The following OCA2 variants were observed in gnomAD, a reference collection of about 807,000 sequenced individuals.
OCA2 encodes the protein OCA2 melanosomal transmembrane protein.
OCA2 carries 77 observed loss-of-function variants against 100.2 expected under a neutral mutation model. The observed-to-expected ratio is 0.77, with a 90% CI of 0.64 to 0.93. The LOEUF (loss-of-function observed/expected upper bound fraction) is 0.93. Among genes scored for constraint, OCA2 ranks in the 40% least tolerant of loss-of-function variants. The pLI is 0.00. For synonymous variants in OCA2, 432 were observed against 439.2 expected, an observed-to-expected ratio of 0.98 and a Z score of 0.21; for missense variants, 1,062 against 1,089.1, an observed-to-expected ratio of 0.98 and a Z score of 0.35.
At chr15:27,857,146 A>G (rs983902604) in intron 21 of OCA2, among the ~76,000 whole-genome samples, 8 of 152,266 alleles carry the variant, frequency 5.3e-5, no homozygotes. Context: ...GAGGAAATCA[A>G]TAAAATGATG....
chr15:28,031,344 A>G (rs1047648449), intron 3 of OCA2, among the ~76,000 whole-genome samples: 1 of 152,212 alleles, frequency 6.6e-6, no homozygotes, highest in African/African-American at 2.4e-5. Flanking sequence ...GACAGTGACA[A>G]TGTCACCAAG....
intron 9 of OCA2, among the ~76,000 whole-genome samples, chr15:27,994,736 C>T (rs745698575): frequency 1.5e-4 from 23 of 152,184 alleles, no homozygotes; most frequent in African/African-American, 2.2e-4. Context: ...AACAGAAGGC[C>T]AGCATCGCTT....
At chr15:27,852,366 T>A in intron 21 of OCA2, among the ~76,000 whole-genome samples, 1 of 152,190 alleles carries the variant, frequency 6.6e-6, no homozygotes, top group African/African-American at 2.4e-5. Context: ...GATCAGATAG[T>A]TGTAGATATG....
intron 5 of OCA2, among the ~76,000 whole-genome samples, chr15:28,022,871 G>A (rs1231612317): frequency 6.6e-6 from 1 of 152,166 alleles, no homozygotes; most frequent in Admixed American, 6.5e-5. Flanking sequence ...GAGAATAAAG[G>A]CATATGACCC....
intron 15 of OCA2, among the ~76,000 whole-genome samples, chr15:27,961,179 C>A (rs2040400199): frequency 6.6e-6 from 1 of 152,136 alleles, no homozygotes. Context: ...ATTTATGCGA[C>A]CAACAAACAT....
chr15:28,041,074 A>G (rs2141462356), intron 2 of OCA2, among the ~76,000 whole-genome samples: 1 of 152,292 alleles, frequency 6.6e-6, no homozygotes, highest in East Asian at 1.9e-4. Flanking sequence ...ACAAACCGAT[A>G]TTCCTGGTGA....
the OCA2 span, among the ~76,000 whole-genome samples, chr15:27,722,285 CG>C: frequency 2.6e-5 from 4 of 152,158 alleles, no homozygotes; most frequent in African/African-American, 9.7e-5. Flanking sequence ...TGCAAATATC[CG>C]GGGGCATTTT....
At chr15:27,719,062 G>A in the OCA2 span, among the ~76,000 whole-genome samples, 1 of 152,198 alleles carries the variant, frequency 6.6e-6, no homozygotes, top group African/African-American at 2.4e-5. Context: ...TCTGACATGA[G>A]CAAGGGTTCA....
At chr15:27,757,236 AGT>A (rs1369228982) in intron 23 of OCA2, among the ~76,000 whole-genome samples, 1 of 152,240 alleles carries the variant, frequency 6.6e-6, no homozygotes, top group Non-Finnish European at 1.5e-5. Context: ...AGTGATTAAG[AGT>A]GTGTACTCCT....
At chr15:27,861,962 C>T (rs1008090679) in intron 21 of OCA2, among the ~76,000 whole-genome samples, 2 of 152,198 alleles carry the variant, frequency 1.3e-5, no homozygotes, top group African/African-American at 2.4e-5. Flanking sequence ...CCCACACACC[C>T]GGAATGCAGC....
At chr15:28,075,987 T>C (rs59069208) in intron 2 of OCA2, among the ~76,000 whole-genome samples, 2,213 of 152,352 alleles carry the variant, frequency 0.015, 55 homozygotes, top group African/African-American at 0.051. Flanking sequence ...CTCATAGATC[T>C]ACTCACCATT....
chr15:27,923,622 G>C (rs1211931949), intron 19 of OCA2, among the ~76,000 whole-genome samples: 1 of 152,166 alleles, frequency 6.6e-6, no homozygotes, highest in Non-Finnish European at 1.5e-5. Context: ...GTGATATTGA[G>C]CTTTTATCAT....
At chr15:27,798,732 G>T (rs2033455093) in intron 23 of OCA2, among the ~76,000 whole-genome samples, 1 of 152,160 alleles carries the variant, frequency 6.6e-6, no homozygotes, top group Non-Finnish European at 1.5e-5. Flanking sequence ...CACAAACAGT[G>T]GGTGTGGGGT....
rs753088699 is a variant in OCA2 at position 27,871,876 on chromosome 15, G to A, written c.2126C>T (p.Ala709Val). The A allele has an allele frequency of 1.1e-5, 18 of 1,603,492 alleles. No individual in the cohort carries two copies. The highest frequency in any genetic ancestry group is 1.5e-5 in the Non-Finnish European group (18 of 1,171,090). The change falls in exon 20 of 24, where the codon GCT becomes GTT. Residue 709 changes from alanine to valine, a missense_variant. Coordinates refer to ENST00000354638, the MANE Select transcript of OCA2 (RefSeq NM_000275.3). ...CATTTATTTTACCTTTATTAGCAAAGCAGTTTGTTCTCCAACATATTCTAT... is the reference window on the plus strand; with the variant it reads ...CATTTATTTTACCTTTATTAGCAAAACAGTTTGTTCTCCAACATATTCTAT... ...HLIEYVGEQT[A>V]LLIKMVPEEQ...
At chr15:28,038,153 T>C (rs1269957423) in intron 2 of OCA2, among the ~76,000 whole-genome samples, 1 of 152,210 alleles carries the variant, frequency 6.6e-6, no homozygotes, top group African/African-American at 2.4e-5. Context: ...CTGGCTTCAC[T>C]GACCCAAGCT....
In OCA2 at chr15:27,871,756, C is replaced by T. The variant is rs1260304661; in HGVS notation, c.2139+107G>A. 4 of 832,994 alleles carry T rather than the reference C, an allele frequency of 4.8e-6. No homozygotes were observed. In the Admixed American group the frequency reaches 8.0e-5, roughly 17 times the overall value. 51.6% of individuals were successfully genotyped at this position (832,994 alleles called of 1,614,324 possible). A position where few individuals can be genotyped will look rare whatever the true frequency, so the allele number is the denominator to read the frequency against. On this transcript the variant is annotated intron_variant, in intron 20 of 23. Transcript: ENST00000354638. Reference sequence around the variant, plus strand: ...ACAGGTTCCCTGCTGTGCCTTTTTACATAATTAATGGGACCTGTTCTTACC... The same window carrying T: ...ACAGGTTCCCTGCTGTGCCTTTTTATATAATTAATGGGACCTGTTCTTACC...
chr15:27,884,576 C>A (rs1207234786), intron 19 of OCA2, among the ~76,000 whole-genome samples: 1 of 152,064 alleles, frequency 6.6e-6, no homozygotes, highest in South Asian at 2.1e-4. Context: ...TGACCACTCT[C>A]GTTCTAAAAA....
chr15:27,738,084 A>G, the OCA2 span, among the ~76,000 whole-genome samples: 44 of 152,334 alleles, frequency 2.9e-4, no homozygotes, highest in Non-Finnish European at 4.7e-4. Flanking sequence ...AAGTAACATA[A>G]TCTCTTTAGA....
At chr15:27,947,619 C>T (rs1286772274) in intron 18 of OCA2, among the ~76,000 whole-genome samples, 4 of 152,318 alleles carry the variant, frequency 2.6e-5, no homozygotes, top group African/African-American at 4.8e-5. Context: ...CGCATGGCCT[C>T]GGCACATGCA....
Sources: allele counts gnomAD v4.1 joint callset (sites outside exome capture counted in the v4.1 genomes callset), GRCh38; gene constraint gnomAD v4.1.1; transcripts MANE v1.5; gene names NCBI Gene and HGNC (gene_info 2026-07-23, HGNC 2026-07-21).